CALN1: variants seen among roughly 807,000 people sequenced by gnomAD.
The protein encoded by CALN1 is calneuron 1.
CALN1 carries 17 observed loss-of-function variants against 30.6 expected under a neutral mutation model. The ratio of observed to expected loss-of-function variants is 0.56; its 90% CI spans 0.38 to 0.83. CALN1 has a LOEUF of 0.83. Ranked by LOEUF, CALN1 falls within the 40% of genes least tolerant of loss-of-function variation. The pLI, the probability that CALN1 is intolerant of heterozygous loss-of-function variation, is 0.00. For synonymous variants in CALN1, 156 were observed against 131.4 expected, an observed-to-expected ratio of 1.19 and a Z score of -1.28; for missense variants, 291 against 354.9, an observed-to-expected ratio of 0.82 and a Z score of 1.45.
chr7:71,788,294 C>T (rs1248364508), intron 6 of CALN1, among the ~76,000 whole-genome samples: 5 of 151,912 alleles, frequency 3.3e-5, no homozygotes, highest in African/African-American at 1.2e-4. Context: ...GCAGCTGATA[C>T]AAACAGAGTG....
intron 3 of CALN1, among the ~76,000 whole-genome samples, chr7:72,213,484 T>C (rs1024689325): frequency 6.6e-6 from 1 of 152,124 alleles, no homozygotes; most frequent in East Asian, 1.9e-4. Context: ...GATGTGTTTT[T>C]GGGGTGATGG....
At chr7:72,488,388 T>A in the CALN1 span, among the ~76,000 whole-genome samples, 3 of 151,764 alleles carry the variant, frequency 2.0e-5, no homozygotes, top group Non-Finnish European at 2.9e-5. Context: ...TAAAAAAAAA[T>A]AAAAATAAGA....
chr7:72,363,702 T>G (rs1803702845), intron 2 of CALN1, among the ~76,000 whole-genome samples: 1 of 150,756 alleles, frequency 6.6e-6, no homozygotes, highest in African/African-American at 2.4e-5. Context: ...ACAGGCTACT[T>G]GCAACATATG....
intron 2 of CALN1, among the ~76,000 whole-genome samples, chr7:72,399,924 A>C (rs1194293142): frequency 1.1e-4 from 17 of 152,112 alleles, no homozygotes; most frequent in Non-Finnish European, 2.2e-4. Context: ...CTAGTTGTTA[A>C]AAAGAGCCTG....
intron 4 of CALN1, among the ~76,000 whole-genome samples, chr7:72,094,124 A>G (rs1407794064): frequency 6.6e-6 from 1 of 152,248 alleles, no homozygotes; most frequent in Non-Finnish European, 1.5e-5. Context: ...AAGAGGAAAC[A>G]TTCTAGGTCT....
chr7:72,227,899 G>A (rs182256937), intron 3 of CALN1, among the ~76,000 whole-genome samples: 1 of 152,000 alleles, frequency 6.6e-6, no homozygotes, highest in African/African-American at 2.4e-5. Flanking sequence ...ACACCATCCC[G>A]AAGGTCTTCC....
At position 72,264,486 on chromosome 7, in the gene CALN1, A is replaced by C. The variant is rs186004241; in HGVS notation, c.244+14200T>G. ...GCTACAACACTTCCTGCTCAAAAAT[A>C]ATAAGCAGGATTTTTTTTTTTTTTT... On this transcript the variant is annotated intron_variant, in intron 3 of 6. Transcript: ENST00000395275. 9.5e-5 allele frequency among the ~76,000 whole-genome samples: 14 copies of C among 147,526 alleles called. No individual in the cohort carries two copies. The East Asian group carries it at 1.9e-3, about 20-fold the overall frequency.
At chr7:71,869,580 C>G (rs1472157171) in intron 5 of CALN1, among the ~76,000 whole-genome samples, 1 of 152,072 alleles carries the variant, frequency 6.6e-6, no homozygotes, top group Non-Finnish European at 1.5e-5. Flanking sequence ...TATATTTGCC[C>G]TTTGGTATTT....
chr7:72,291,609 C>G (rs1279578902), intron 2 of CALN1, among the ~76,000 whole-genome samples: 1 of 152,152 alleles, frequency 6.6e-6, no homozygotes, highest in Non-Finnish European at 1.5e-5. Context: ...AGCCATTGAT[C>G]TGGGAAGAAA....
At position 72,025,812 on chromosome 7, in the gene CALN1, G is replaced by T. The variant is rs914248526; in HGVS notation, c.389-2043C>A. Among the ~76,000 whole-genome samples the T allele has an allele frequency of 2.0e-4, 31 of 152,120 alleles. 2 individuals carry two copies. The highest frequency in any genetic ancestry group is 6.8e-4 in the African/African-American group (28 of 41,418). On this transcript the variant is annotated intron_variant, in intron 4 of 6. Transcript: ENST00000395275. ...CTCTCAGAGTGCATTCACCTTCAAAGAATATTCATTCAAAACCTATTTCAC... is the reference window on the plus strand; with the variant it reads ...CTCTCAGAGTGCATTCACCTTCAAATAATATTCATTCAAAACCTATTTCAC...
chr7:71,826,140 A>G (rs1177217535), intron 5 of CALN1, among the ~76,000 whole-genome samples: 1 of 151,554 alleles, frequency 6.6e-6, no homozygotes, highest in Non-Finnish European at 1.5e-5. Context: ...ATCTTGCCTC[A>G]TTGGTATGGA....
At chr7:72,264,492 C>A (rs981799688) in intron 3 of CALN1, among the ~76,000 whole-genome samples, 1 of 136,480 alleles carries the variant, frequency 7.3e-6, no homozygotes, top group African/African-American at 2.7e-5. Context: ...AAATAATAAG[C>A]AGGATTTTTT....
At chr7:71,814,958 T>C (rs1267843870) in intron 5 of CALN1, among the ~76,000 whole-genome samples, 3 of 151,958 alleles carry the variant, frequency 2.0e-5, no homozygotes, top group African/African-American at 2.4e-5. Context: ...CTCAGCCTCC[T>C]GAGTGGCTGG....
At chr7:72,203,812 A>T (rs1463073881) in intron 3 of CALN1, among the ~76,000 whole-genome samples, 1 of 151,220 alleles carries the variant, frequency 6.6e-6, no homozygotes, top group Non-Finnish European at 1.5e-5. Flanking sequence ...GTTTAATAAC[A>T]TTTTTTTTTC....
At chr7:72,345,429 G>C (rs985600567) in intron 2 of CALN1, among the ~76,000 whole-genome samples, 3 of 147,916 alleles carry the variant, frequency 2.0e-5, no homozygotes, top group Non-Finnish European at 4.5e-5. Context: ...GGAAAGAAAG[G>C]AAGGAGGGAA....
In CALN1 at chr7:72,258,233, C is replaced by T. The variant is rs180955617; in HGVS notation, c.244+20453G>A. On this transcript the variant is annotated intron_variant, in intron 3 of 6. Transcript: ENST00000395275. ...ATTTGCTCCTTCACCGGCAAGAAGT[C>T]AAGCTCCTTATCCATGGGGCAGCCC... 1.9e-4 allele frequency among the ~76,000 whole-genome samples: 29 copies of T among 152,310 alleles called. 1 individual carries two copies. The highest frequency in any genetic ancestry group is 1.9e-3 in the Admixed American group (29 of 15,300).
At chr7:71,967,409 C>A (rs1797578488) in intron 5 of CALN1, among the ~76,000 whole-genome samples, 1 of 151,998 alleles carries the variant, frequency 6.6e-6, no homozygotes, top group Non-Finnish European at 1.5e-5. Context: ...GTCAGGATGG[C>A]TTTAACTCAG....
At chr7:72,314,397 A>C (rs1800286453) in intron 2 of CALN1, among the ~76,000 whole-genome samples, 1 of 149,966 alleles carries the variant, frequency 6.7e-6, no homozygotes, top group South Asian at 2.1e-4. Flanking sequence ...ATATATATAC[A>C]CATATATACA....
chr7:72,385,467 T>C (rs1375994667), intron 2 of CALN1, among the ~76,000 whole-genome samples: 1 of 152,094 alleles, frequency 6.6e-6, no homozygotes, highest in Non-Finnish European at 1.5e-5. Context: ...TATTCAGTTA[T>C]AAAAAGAAAT....
Sources: gnomAD v4.1 joint callset for allele counts (sites outside exome capture counted in the v4.1 genomes callset) on GRCh38, gnomAD v4.1.1 for gene constraint, MANE v1.5 for transcripts, NCBI Gene and HGNC (gene_info 2026-07-23, HGNC 2026-07-21) for gene names.